Variants in TMED9 observed in about 807,000 individuals in gnomAD.
TMED9 encodes the protein transmembrane emp24 domain-containing protein 9.
A neutral mutation model predicts 30.6 loss-of-function variants in TMED9; 22 were observed. The observed-to-expected ratio is 0.72, with a 90% CI of 0.51 to 1.03. The LOEUF is 1.03. TMED9 is among the 50% of genes least tolerant of loss of function. TMED9 has a pLI of 0.00. For missense variants in TMED9, 251 were observed against 302.1 expected (o/e 0.83, Z 1.25); for synonymous variants, 146 against 122.8 (o/e 1.19, Z -1.25).
In TMED9 at chr5:177,592,236, C is replaced by G. The variant is rs766285629; in HGVS notation, c.22C>G (p.Leu8Val). 1.7e-5 allele frequency: 28 copies of G among 1,608,404 alleles called. No homozygotes were observed. Among genetic ancestry groups the G allele is most frequent in the African/African-American group, 4.0e-5 (3 of 74,838 alleles). The change falls in exon 1 of 5, where the codon CTG (leucine) becomes GTG (valine). Residue 8 changes from leucine to valine, a missense_variant. Around this residue, in one of 2 missense-constraint regions of TMED9, gnomAD observed 98 missense variants for 62.5 expected, o/e 1.57. Transcript: ENST00000332598. ...CAAGATGGCTGTGGAGCTGGGCGTGCTGCTCGTCCGGCCCCGGCCCGGAAC... is the reference window on the plus strand; with the variant it reads ...CAAGATGGCTGTGGAGCTGGGCGTGGTGCTCGTCCGGCCCCGGCCCGGAAC... MAVELGVLLVRPRPGTGL... is the reference protein window; with the variant it reads MAVELGVVLVRPRPGTGL...
intron 2 of TMED9, 67 bp downstream of exon 2, chr5:177,592,742 T>C (rs1206892770): frequency 1.2e-5 from 14 of 1,145,180 alleles, no homozygotes; most frequent in Non-Finnish European, 1.5e-5. Flanking sequence ...CTTCCTCTTC[T>C]AGTTCCTGCA....
intron 4 of TMED9, 130 bp downstream of exon 4, chr5:177,594,415 C>A (rs571092162): frequency 9.0e-7 from 1 of 1,116,924 alleles, no homozygotes; most frequent in Non-Finnish European, 1.3e-6. Flanking sequence ...GGTCGTGGGG[C>A]GGGTATTACT....
In TMED9 at chr5:177,593,484, A is replaced by G. The variant is rs1200706035; in HGVS notation, c.286-166A>G. 4.8e-6 allele frequency: 4 copies of G among 836,314 alleles called. No individual in the cohort carries two copies. In the African/African-American group the frequency reaches 6.8e-5, roughly 14 times the overall value. The allele number at this position is 836,314 out of a possible 1,614,324, so 51.8% of individuals were successfully genotyped here. ...TAAACACCTGCCCCAGAGAGTTCTCACACAAGCATATGGCAACAGCTGCTG... is the reference window on the plus strand; with the variant it reads ...TAAACACCTGCCCCAGAGAGTTCTCGCACAAGCATATGGCAACAGCTGCTG... On this transcript the variant is annotated intron_variant, in intron 2 of 4. Transcript: ENST00000332598.
Position 177,595,427 on chromosome 5 carries a change from C to A in TMED9, c.*11C>A. The A allele has an allele frequency of 6.3e-7, 1 of 1,598,060 alleles. No homozygotes were observed. The highest frequency in any genetic ancestry group is 8.6e-7 in the Non-Finnish European group (1 of 1,168,890). The stretch of plus-strand genomic sequence containing the variant: ...AAGAAGCTTGTGTAGCTGTCCCAGG[C>A]GTCACAACCCATCCTCCCAGGCTGG... On this transcript the variant is annotated 3_prime_UTR_variant, in exon 5 of 5. Transcript: ENST00000332598.
intron 4 of TMED9, 141 bp from the exon 5 acceptor site, chr5:177,595,126 A>G: frequency 2.4e-6 from 2 of 838,762 alleles, no homozygotes; most frequent in South Asian, 2.1e-5. Context: ...GGGTAAAGAT[A>G]GTCCCCAGGT....
chr5:177,596,867 A>G lies in TMED9; in HGVS notation c.*1451A>G, dbSNP rs1314259237. ...GCAGTAATCACCCAGGGTCTGGTAAAGCCACTGAGAGCCCTACTGGCACCT... is the reference window on the plus strand; with the variant it reads ...GCAGTAATCACCCAGGGTCTGGTAAGGCCACTGAGAGCCCTACTGGCACCT... On this transcript the variant is annotated 3_prime_UTR_variant, in exon 5 of 5. Coordinates refer to ENST00000332598, the MANE Select transcript of TMED9 (RefSeq NM_017510.6). Among the ~76,000 whole-genome samples the G allele has an allele frequency of 6.6e-6, 1 of 152,154 alleles. No homozygotes were observed. The highest frequency in any genetic ancestry group is 1.5e-5 in the Non-Finnish European group (1 of 68,036).
intron 4 of TMED9, among the ~76,000 whole-genome samples, chr5:177,595,001 C>T (rs1339720337): frequency 2.0e-5 from 3 of 152,148 alleles, no homozygotes; most frequent in Non-Finnish European, 2.9e-5. Context: ...AGCTCTGCCT[C>T]GTGGGGTGAT....
rs943330218 is a variant in TMED9, at chr5:177,592,229, G to C, written c.15G>C (p.Leu5=). MAVE[L]GVLLVRPRPG... ...GGTGGAGCAAGATGGCTGTGGAGCT[G>C]GGCGTGCTGCTCGTCCGGCCCCGGC... Residue 5 remains leucine, a synonymous_variant, in exon 1 of 5, where the codon CTG becomes CTC. Coordinates refer to ENST00000332598, the MANE Select transcript of TMED9 (RefSeq NM_017510.6). 1 of 1,607,038 alleles carries C rather than the reference G, an allele frequency of 6.2e-7. No homozygotes were observed. The highest frequency in any genetic ancestry group is 1.1e-5 in the South Asian group (1 of 90,160).
chr5:177,594,344 C>T (rs1767646634), intron 4 of TMED9, 59 bp downstream of exon 4: 3 of 1,583,760 alleles, frequency 1.9e-6, no homozygotes, highest in African/African-American at 2.7e-5. Context: ...CTGGCTCAGC[C>T]AGGAATTTCA....
At chr5:177,592,696 C>A (rs1767613307) in intron 2 of TMED9, 21 bp downstream of exon 2, 1 of 1,543,642 alleles carries the variant, frequency 6.5e-7, no homozygotes, top group Non-Finnish European at 8.8e-7. Flanking sequence ...CGCCCCCCTC[C>A]TCTCCGCCAG....
chr5:177,592,855 T>C (rs1186841406), intron 2 of TMED9, among the ~76,000 whole-genome samples, 180 bp downstream of exon 2: 2 of 152,068 alleles, frequency 1.3e-5, no homozygotes, highest in Admixed American at 6.5e-5. Flanking sequence ...GTGATAAAAA[T>C]CAAAGAGTTT....
intron 3 of TMED9, 162 bp from the exon 4 acceptor site, chr5:177,593,977 T>C: frequency 2.5e-6 from 3 of 1,196,268 alleles, no homozygotes; most frequent in Middle Eastern, 2.8e-4. Flanking sequence ...GGCTTAATAC[T>C]TGCTTGTGTG....
chr5:177,593,406 C>A, intron 2 of TMED9: 2 of 472,596 alleles, frequency 4.2e-6, no homozygotes, highest in South Asian at 3.7e-5. Flanking sequence ...AAAGGAAAGC[C>A]CTTCCCAAGA....
At position 177,592,692 on chromosome 5, in the gene TMED9, C is replaced by CCT; in HGVS notation, c.285+19_285+20dup. On this transcript the variant is annotated intron_variant, in intron 2 of 4. Coordinates refer to ENST00000332598, the MANE Select transcript of TMED9 (RefSeq NM_017510.6). The stretch of plus-strand genomic sequence containing the variant: ...GAGGACAAGGTGAGCCAACCGCCCC[C>CCT]CTCCTCTCCGCCAGCCTCTCAGCTA... 6.4e-7 allele frequency: 1 copy of CCT among 1,555,188 alleles called. No individual in the cohort carries two copies. Among genetic ancestry groups the CCT allele is most frequent in the Non-Finnish European group, 8.7e-7 (1 of 1,143,460 alleles).
In TMED9 at chr5:177,594,276, C is replaced by A; in HGVS notation, c.549C>A (p.Asn183Lys). 6.2e-7 allele frequency: 1 copy of A among 1,614,070 alleles called. No homozygotes were observed. Among genetic ancestry groups the A allele is most frequent in the Non-Finnish European group, 8.5e-7 (1 of 1,179,998 alleles). ...TGGAGCAGATCCAGAAAGAGCAGAA[C>A]TACCAGCGGGTGAGTGACTGGGCCG... Reference protein sequence around the residue: ...EQVEQIQKEQNYQRWREERFR... With the variant: ...EQVEQIQKEQKYQRWREERFR... Residue 183 changes from asparagine to lysine, a missense_variant, in exon 4 of 5, where the codon AAC (asparagine) becomes AAA (lysine). Physicochemically the swap from Asn to Lys is moderately conservative, Grantham distance 94. Around this residue, in one of 2 missense-constraint regions of TMED9, gnomAD observed 153 missense variants for 239.6 expected, o/e 0.64. Coordinates refer to ENST00000332598, the MANE Select transcript of TMED9 (RefSeq NM_017510.6).
chr5:177,592,549 C>T, intron 1 of TMED9, 26 bp from the exon 2 acceptor site: 1 of 1,602,510 alleles, frequency 6.2e-7, no homozygotes, highest in Non-Finnish European at 8.5e-7. Flanking sequence ...GCTCCTCTGA[C>T]CTGGGCTCGC....
chr5:177,592,517 C>A, intron 1 of TMED9, 58 bp from the exon 2 acceptor site: 1 of 1,570,024 alleles, frequency 6.4e-7, no homozygotes, highest in Non-Finnish European at 8.7e-7. Flanking sequence ...CCCAGGCGGT[C>A]GCGGAACCCA....
At chr5:177,595,193 G>C in intron 4 of TMED9, 74 bp from the exon 5 acceptor site, 1 of 1,445,804 alleles carries the variant, frequency 6.9e-7, no homozygotes, top group Non-Finnish European at 9.2e-7. Flanking sequence ...CTGACCTTGG[G>C]CATCCTCTTG....
intron 4 of TMED9, 48 bp downstream of exon 4, chr5:177,594,333 A>G (rs746068952): frequency 7.5e-6 from 12 of 1,601,052 alleles, no homozygotes; most frequent in Non-Finnish European, 9.4e-6. Context: ...GAAGCTGCCC[A>G]CTGGCTCAGC....
Sources: gnomAD v4.1 joint callset for allele counts (sites outside exome capture counted in the v4.1 genomes callset) on GRCh38, gnomAD v4.1.1 for gene constraint, gnomAD v4.1.1 regional missense constraint, MANE v1.5 for transcripts, NCBI Gene and HGNC (gene_info 2026-07-23, HGNC 2026-07-21) for gene names.